Variants in CELF2 observed in about 807,000 individuals in gnomAD.
CELF2 encodes CUG triplet repeat RNA-binding protein 2.
In CELF2, 8 loss-of-function variants were observed where a neutral mutation model predicts 62.6. The observed-to-expected ratio is 0.13, with a 90% CI of 0.07 to 0.23. The LOEUF (loss-of-function observed/expected upper bound fraction) is 0.23, where lower values mean the gene tolerates loss of function less well. CELF2 is among the 10% of genes least tolerant of loss of function. CELF2 has a pLI of 1.00. For synonymous variants in CELF2, 258 were observed against 250.0 expected, an observed-to-expected ratio of 1.03 and a Z score of -0.30; for missense variants, 333 against 671.0, an observed-to-expected ratio of 0.50 and a Z score of 5.56.
the CELF2 span, among the ~76,000 whole-genome samples, chr10:10,732,577 G>A: frequency 6.8e-6 from 1 of 146,374 alleles, no homozygotes; most frequent in Non-Finnish European, 1.5e-5. Flanking sequence ...AGGCTGGAGT[G>A]CAGTGGTACA....
At chr10:10,569,833 GA>G in the CELF2 span, among the ~76,000 whole-genome samples, 1 of 152,132 alleles carries the variant, frequency 6.6e-6, no homozygotes, top group African/African-American at 2.4e-5. Flanking sequence ...CACAGTCATG[GA>G]AAACTCTGGA....
intron 4 of CELF2, among the ~76,000 whole-genome samples, chr10:11,252,563 C>T (rs1565564638): frequency 6.6e-6 from 1 of 152,222 alleles, no homozygotes; most frequent in Non-Finnish European, 1.5e-5. Context: ...GAGAGGGAAC[C>T]TCTGGGGTGA....
intron 1 of CELF2, among the ~76,000 whole-genome samples, chr10:11,093,465 T>C (rs1486474081): frequency 6.6e-6 from 1 of 152,122 alleles, no homozygotes; most frequent in East Asian, 1.9e-4. Context: ...TGGAGAAGGA[T>C]GGAAAAGAGG....
At chr10:10,946,977 G>A (rs954555393) in intron 2 of CELF2, 4 of 152,222 alleles carry the variant, frequency 2.6e-5, no homozygotes, top group African/African-American at 4.8e-5. Flanking sequence ...TAAAATCTCT[G>A]CCTGTGAGGA....
chr10:10,639,928 TGGA>T, the CELF2 span, among the ~76,000 whole-genome samples: 1 of 152,188 alleles, frequency 6.6e-6, no homozygotes. Flanking sequence ...TCTCCATTCC[TGGA>T]GGAGGTCACA....
chr10:10,524,274 AG>A, the CELF2 span, among the ~76,000 whole-genome samples: 1 of 152,050 alleles, frequency 6.6e-6, no homozygotes, highest in Admixed American at 6.6e-5. Flanking sequence ...AAGAGGGCAA[AG>A]CTCATAGAAG....
intron 1 of CELF2, among the ~76,000 whole-genome samples, chr10:11,035,231 C>T (rs1042240231): frequency 1.3e-5 from 2 of 152,160 alleles, no homozygotes; most frequent in African/African-American, 4.8e-5. Flanking sequence ...TTTCTCCAAG[C>T]CGTCTTCTTA....
chr10:11,327,050 G>A (rs1181925914), intron 12 of CELF2, among the ~76,000 whole-genome samples: 2 of 152,196 alleles, frequency 1.3e-5, no homozygotes, highest in Admixed American at 1.3e-4. Flanking sequence ...CATGGTTAAA[G>A]GACTCCGCAT....
At position 11,318,887 on chromosome 10, in the gene CELF2, G is replaced by A. The variant is rs1336303855; in HGVS notation, c.1097-2302G>A. 1 of 471,014 alleles carries A rather than the reference G, an allele frequency of 2.1e-6. No homozygotes were observed. Among genetic ancestry groups the A allele is most frequent in the Admixed American group, 2.3e-5 (1 of 42,556 alleles). The allele number at this position is 471,014 out of a possible 1,614,324, so 29.2% of individuals were successfully genotyped here. On this transcript the variant is annotated intron_variant, in intron 10 of 12. Transcript: ENST00000633077. The surrounding 1 kb of genome is among the most constrained non-coding windows in gnomAD (Gnocchi z 5.4). The stretch of plus-strand genomic sequence containing the variant: ...GCACATCGCAGGAAGGATCCCCCGT[G>A]GGTCTCACATGACAGGGCCTGAAAA...
intron 2 of CELF2, among the ~76,000 whole-genome samples, chr10:10,974,661 A>G (rs1284653296): frequency 1.3e-5 from 2 of 152,210 alleles, no homozygotes; most frequent in African/African-American, 4.8e-5. Flanking sequence ...GTGATTATGT[A>G]TAGCAATTTA....
At chr10:10,705,721 A>T in the CELF2 span, among the ~76,000 whole-genome samples, 3 of 152,136 alleles carry the variant, frequency 2.0e-5, 1 homozygote, top group Non-Finnish European at 4.4e-5. Context: ...TTTATAAACC[A>T]CTTAGATGAT....
chr10:10,755,387 T>A, the CELF2 span, among the ~76,000 whole-genome samples: 2 of 152,204 alleles, frequency 1.3e-5, no homozygotes, highest in Non-Finnish European at 2.9e-5. Context: ...CAGCTCAAAC[T>A]GGCTTCAACA....
chr10:10,964,036 A>C (rs1434378860), intron 2 of CELF2, among the ~76,000 whole-genome samples: 1 of 152,258 alleles, frequency 6.6e-6, no homozygotes, highest in Non-Finnish European at 1.5e-5. Flanking sequence ...TGAATCAAAA[A>C]GATATTAGAA....
At chr10:10,911,929 G>A (rs374038828) in intron 1 of CELF2, among the ~76,000 whole-genome samples, 2 of 152,204 alleles carry the variant, frequency 1.3e-5, no homozygotes, top group Non-Finnish European at 2.9e-5. Context: ...ATCTCTTGTC[G>A]AAACCTACAG....
At chr10:10,973,469 C>T (rs1391209239) in intron 2 of CELF2, among the ~76,000 whole-genome samples, 1 of 152,112 alleles carries the variant, frequency 6.6e-6, no homozygotes, top group Non-Finnish European at 1.5e-5. Flanking sequence ...CCAGGTTCTC[C>T]TGCAGACCAC....
chr10:10,631,090 T>C, the CELF2 span, among the ~76,000 whole-genome samples: 2 of 152,220 alleles, frequency 1.3e-5, no homozygotes, highest in Non-Finnish European at 2.9e-5. Flanking sequence ...AAAACACAGC[T>C]GTGAACATTC....
At chr10:11,180,458 C>T (rs2072946736) in intron 2 of CELF2, among the ~76,000 whole-genome samples, 1 of 152,186 alleles carries the variant, frequency 6.6e-6, no homozygotes, top group South Asian at 2.1e-4. Context: ...GGAGGCAGAG[C>T]AGTGACAACA....
intron 9 of CELF2, among the ~76,000 whole-genome samples, chr10:11,301,850 C>G (rs1162071166): frequency 6.6e-6 from 1 of 151,982 alleles, no homozygotes; most frequent in Non-Finnish European, 1.5e-5. Context: ...CGTGAGGAGC[C>G]CCAGTTAGGC....
chr10:11,032,107 A>C (rs1339857935), intron 1 of CELF2, among the ~76,000 whole-genome samples: 2 of 140,776 alleles, frequency 1.4e-5, no homozygotes, highest in Non-Finnish European at 3.1e-5. Flanking sequence ...CTGGGACATT[A>C]TATGTCTTTA....
Sources: gnomAD v4.1 joint callset for allele counts (sites outside exome capture counted in the v4.1 genomes callset) on GRCh38, gnomAD v4.1.1 for gene constraint, Gnocchi (gnomAD v3.1) non-coding constraint, MANE v1.5 for transcripts, NCBI Gene and HGNC (gene_info 2026-07-23, HGNC 2026-07-21) for gene names.